The following CPNE4 variants were observed in gnomAD, a reference collection of about 807,000 sequenced individuals.
CPNE4 encodes the protein copine-4.
In CPNE4, 25 loss-of-function variants were observed where a neutral mutation model predicts 67.9. The ratio of observed to expected loss-of-function variants is 0.37; its 90% CI spans 0.27 to 0.51. CPNE4 has a LOEUF of 0.51. CPNE4 is among the 20% of genes least tolerant of loss of function. The probability of loss-of-function intolerance (pLI) is 0.93; values close to 1 mark genes in which losing one functional copy is unlikely to be tolerated. For missense variants in CPNE4, 464 were observed against 690.8 expected, an observed-to-expected ratio of 0.67 and a Z score of 3.68; for synonymous variants, 242 against 244.9, an observed-to-expected ratio of 0.99 and a Z score of 0.11.
chr3:131,846,768 A>C (rs1043267182), intron 2 of CPNE4, among the ~76,000 whole-genome samples: 2 of 152,186 alleles, frequency 1.3e-5, no homozygotes, highest in Non-Finnish European at 2.9e-5. Flanking sequence ...TGTCTTTTAC[A>C]CTGGTAAACT....
At chr3:131,675,363 T>C (rs1421402073) in intron 6 of CPNE4, among the ~76,000 whole-genome samples, 1 of 151,838 alleles carries the variant, frequency 6.6e-6, no homozygotes. Flanking sequence ...AAGGTTTCTT[T>C]GTTGATTTTC....
chr3:131,817,660 A>G (rs951611505), intron 2 of CPNE4, among the ~76,000 whole-genome samples: 1 of 152,232 alleles, frequency 6.6e-6, no homozygotes, highest in Non-Finnish European at 1.5e-5. Context: ...AAGGCCAGCA[A>G]GGGAAAAATG....
At chr3:131,668,793 C>T (rs188554369) in intron 7 of CPNE4, among the ~76,000 whole-genome samples, 82 of 152,252 alleles carry the variant, frequency 5.4e-4, no homozygotes, top group African/African-American at 1.8e-3. Context: ...CTGCTCCTGG[C>T]GTTCAGCCTA....
At chr3:131,888,531 A>C (rs1028434819) in intron 2 of CPNE4, among the ~76,000 whole-genome samples, 2 of 152,244 alleles carry the variant, frequency 1.3e-5, no homozygotes, top group Non-Finnish European at 2.9e-5. Context: ...AAAATATTTA[A>C]TTAGCCTATA....
chr3:131,665,104 G>A (rs1342857577), intron 7 of CPNE4, among the ~76,000 whole-genome samples: 1 of 152,184 alleles, frequency 6.6e-6, no homozygotes. Context: ...GCTCACGCAT[G>A]TAATCCCAGC....
intron 12 of CPNE4, among the ~76,000 whole-genome samples, chr3:131,552,797 A>T (rs1254167658): frequency 6.6e-6 from 1 of 152,090 alleles, no homozygotes; most frequent in African/African-American, 2.4e-5. Flanking sequence ...AATAGCTGCT[A>T]GTTAGAACTG....
chr3:131,854,042 A>T lies in CPNE4; in HGVS notation c.180+51222T>A, dbSNP rs552921189. 2.0e-5 allele frequency among the ~76,000 whole-genome samples: 3 copies of T among 152,024 alleles called. No individual in the cohort carries two copies. In the East Asian group the frequency reaches 5.8e-4, roughly 29 times the overall value. The stretch of plus-strand genomic sequence containing the variant: ...AAATTTCATTTTTATGTATTTTCCC[A>T]AAAGAAACAAAAATATTTGCTCATT... On this transcript the variant is annotated intron_variant, in intron 2 of 15. Coordinates refer to ENST00000429747, the MANE Select transcript of CPNE4 (RefSeq NM_130808.3).
intron 1 of CPNE4, among the ~76,000 whole-genome samples, chr3:131,983,708 A>T (rs1019100471): frequency 1.3e-5 from 2 of 152,200 alleles, no homozygotes; most frequent in Admixed American, 6.5e-5. Context: ...TTTTCTATAG[A>T]TGATTTTCCT....
intron 10 of CPNE4, among the ~76,000 whole-genome samples, chr3:131,571,703 C>G (rs77525124): frequency 0.029 from 4,408 of 151,982 alleles, 72 homozygotes; most frequent in Middle Eastern, 0.058. Context: ...TGCTTCATCT[C>G]TCGTTCCCCC....
intron 1 of CPNE4, among the ~76,000 whole-genome samples, chr3:131,955,689 G>C (rs141162410): frequency 1.6e-4 from 24 of 152,184 alleles, no homozygotes; most frequent in African/African-American, 5.3e-4. Context: ...CCGCAGTGCC[G>C]TTTCCTCTTA....
chr3:131,652,164 T>G (rs948796155), intron 7 of CPNE4, among the ~76,000 whole-genome samples: 1 of 152,228 alleles, frequency 6.6e-6, no homozygotes, highest in Admixed American at 6.5e-5. Flanking sequence ...TACTGTGTAG[T>G]GTAGGTTGTC....
intron 2 of CPNE4, among the ~76,000 whole-genome samples, chr3:131,863,901 T>A (rs1273788200): frequency 1.3e-5 from 2 of 152,208 alleles, no homozygotes; most frequent in African/African-American, 4.8e-5. Flanking sequence ...AAGGAAGGGA[T>A]CCAGTTTCAG....
At chr3:131,745,572 TC>T in intron 2 of CPNE4, among the ~76,000 whole-genome samples, 1 of 152,254 alleles carries the variant, frequency 6.6e-6, no homozygotes, top group East Asian at 1.9e-4. Context: ...AGTCTGTGAT[TC>T]ATTTTGGGTT....
intron 2 of CPNE4, among the ~76,000 whole-genome samples, chr3:131,799,895 T>C (rs1414121935): frequency 8.4e-6 from 1 of 118,736 alleles, no homozygotes; most frequent in Non-Finnish European, 1.7e-5. Flanking sequence ...GATTGTTTTT[T>C]GTTGGTGCGT....
intron 7 of CPNE4, among the ~76,000 whole-genome samples, chr3:131,632,619 G>T (rs2079259008): frequency 6.6e-6 from 1 of 152,038 alleles, no homozygotes; most frequent in African/African-American, 2.4e-5. Context: ...TGCCTTTCAG[G>T]ACATAAGACT....
intron 2 of CPNE4, among the ~76,000 whole-genome samples, chr3:131,873,248 T>C (rs2087293712): frequency 6.6e-6 from 1 of 152,198 alleles, no homozygotes; most frequent in South Asian, 2.1e-4. Context: ...GTTGCTCTTA[T>C]TTGCCTTTTC....
At chr3:131,959,957 A>C (rs1560685027) in intron 1 of CPNE4, among the ~76,000 whole-genome samples, 1 of 152,234 alleles carries the variant, frequency 6.6e-6, no homozygotes, top group African/African-American at 2.4e-5. Context: ...AATTTAAGTA[A>C]TATGTCATAC....
At chr3:131,911,030 G>A (rs999771150) in intron 1 of CPNE4, among the ~76,000 whole-genome samples, 11 of 152,186 alleles carry the variant, frequency 7.2e-5, no homozygotes, top group Middle Eastern at 3.4e-3. Flanking sequence ...TTCATGCCCC[G>A]TATACCACCC....
At chr3:131,588,271 C>T (rs1056090115) in intron 7 of CPNE4, among the ~76,000 whole-genome samples, 5 of 152,150 alleles carry the variant, frequency 3.3e-5, no homozygotes, top group South Asian at 2.1e-4. Context: ...ATTCAGCTCT[C>T]GAGTGATACT....
Sources: gnomAD v4.1 joint callset for allele counts (sites outside exome capture counted in the v4.1 genomes callset) on GRCh38, gnomAD v4.1.1 for gene constraint, MANE v1.5 for transcripts, NCBI Gene and HGNC (gene_info 2026-07-23, HGNC 2026-07-21) for gene names.